Variants in PCDHA1 observed in about 807,000 individuals in gnomAD.
PCDHA1 encodes protocadherin alpha-1.
PCDHA1 carries 42 observed loss-of-function variants against 61.3 expected under a neutral mutation model. The ratio of observed to expected loss-of-function variants is 0.69; its 90% CI spans 0.54 to 0.89. The LOEUF (loss-of-function observed/expected upper bound fraction) is 0.89. Ranked by LOEUF, PCDHA1 falls within the 40% of genes least tolerant of loss-of-function variation. PCDHA1 has a pLI of 0.00. For missense variants in PCDHA1, 1,256 were observed against 1,235.3 expected (o/e 1.02, Z -0.25); for synonymous variants, 610 against 553.8 (o/e 1.10, Z -1.43).
chr5:140,907,111 C>T (rs1465808747), intron 1 of PCDHA1, among the ~76,000 whole-genome samples: 1 of 152,130 alleles, frequency 6.6e-6, no homozygotes, highest in African/African-American at 2.4e-5. Flanking sequence ...ACTTCCACCC[C>T]TTGATTCCTG....
In PCDHA1 at chr5:140,787,600, C is replaced by T; in HGVS notation, c.1310C>T (p.Ala437Val). 6.2e-7 allele frequency: 1 copy of T among 1,613,930 alleles called. No homozygotes were observed. Among genetic ancestry groups the T allele is most frequent in the East Asian group, 2.2e-5 (1 of 44,862 alleles). ...ARDGGSPSLWATARVSVEVAD... is the reference protein window; with the variant it reads ...ARDGGSPSLWVTARVSVEVAD... The stretch of plus-strand genomic sequence containing the variant: ...GACGGGGGCTCGCCTTCGCTGTGGG[C>T]CACGGCCAGGGTGTCCGTGGAGGTG... The change falls in exon 1 of 4, where the codon GCC becomes GTC. Residue 437 changes from alanine (A) to valine (V), a missense_variant. By Grantham distance (64) the Ala-to-Val change is moderately conservative. Coordinates refer to ENST00000504120, the MANE Select transcript of PCDHA1 (RefSeq NM_018900.4).
chr5:140,830,476 TG>T (rs2150187075), intron 1 of PCDHA1: 1 of 1,551,430 alleles, frequency 6.4e-7, no homozygotes, highest in South Asian at 1.2e-5. Context: ...ATGAAGATCA[TG>T]ATGCCAAAGT....
intron 3 of PCDHA1, among the ~76,000 whole-genome samples, chr5:140,984,830 T>C (rs2097123075): frequency 6.6e-6 from 1 of 152,220 alleles, no homozygotes; most frequent in South Asian, 2.1e-4. Context: ...TTACCCTTTC[T>C]GTAAATTGGG....
At chr5:140,949,042 G>A (rs2094338452) in intron 1 of PCDHA1, among the ~76,000 whole-genome samples, 2 of 151,644 alleles carry the variant, frequency 1.3e-5, no homozygotes, top group African/African-American at 2.4e-5. Flanking sequence ...TTAAAAGTAT[G>A]TTCTAATTTC....
rs782039603 is a variant in PCDHA1 at position 140,876,722 on chromosome 5, G to A, written c.2394+88038G>A. 2.5e-6 allele frequency: 4 copies of A among 1,614,134 alleles called. No individual in the cohort carries two copies. In the Admixed American group the frequency reaches 5.0e-5, roughly 20 times the overall value. On this transcript the variant is annotated intron_variant, in intron 1 of 3. Coordinates refer to ENST00000504120, the MANE Select transcript of PCDHA1 (RefSeq NM_018900.4). ...CTGGACAGCGCCCTGGACCGCGAGA[G>A]CGTGTCGGCCTATGAGCTGGTGGTG...
At chr5:140,856,114 C>A (rs1375690984) in intron 1 of PCDHA1, 3 of 1,597,988 alleles carry the variant, frequency 1.9e-6, no homozygotes, top group Non-Finnish European at 2.6e-6. Flanking sequence ...TCCTCGCAGC[C>A]TGGGAGGTGG....
In PCDHA1 at chr5:140,929,288, G is replaced by A. The variant is rs386352346; in HGVS notation, c.2395-49661G>A. 3.1e-6 allele frequency: 5 copies of A among 1,597,514 alleles called. No homozygotes were observed. Among genetic ancestry groups the A allele is most frequent in the Non-Finnish European group, 3.4e-6 (4 of 1,168,792 alleles). On this transcript the variant is annotated intron_variant, in intron 1 of 3. Transcript: ENST00000504120. ...TTGCCAATATCCTGTATTCAGATTC[G>A]GAATAGGAAAGGGGATCACGCTAAT... is the stretch of plus-strand genomic sequence containing the variant.
intron 1 of PCDHA1, among the ~76,000 whole-genome samples, chr5:140,890,832 T>G (rs1554184561): frequency 6.6e-6 from 1 of 152,220 alleles, no homozygotes; most frequent in African/African-American, 2.4e-5. Context: ...ACTTACATAT[T>G]TACCAGTTTT....
rs1270383213 is a variant in PCDHA1 at position 140,835,905 on chromosome 5, G to A, written c.2394+47221G>A. 4 of 1,612,188 alleles carry A rather than the reference G, an allele frequency of 2.5e-6. No homozygotes were observed. In the East Asian group the frequency reaches 8.9e-5, roughly 36 times the overall value. ...GGGCGAGCGCGCGCTGTCGAGCTAC[G>A]TGTCAGTGCACGCGGAGAGCGGCAA... On this transcript the variant is annotated intron_variant, in intron 1 of 3. Transcript: ENST00000504120.
chr5:140,854,880 T>C (rs1244023349), intron 1 of PCDHA1, among the ~76,000 whole-genome samples: 4 of 150,006 alleles, frequency 2.7e-5, no homozygotes, highest in African/African-American at 9.8e-5. Flanking sequence ...CTGTGTCTTT[T>C]GGGCATTTGA....
intron 1 of PCDHA1, chr5:140,877,152 C>A (rs1662783035): frequency 6.2e-7 from 1 of 1,613,688 alleles, no homozygotes; most frequent in Non-Finnish European, 8.5e-7. Context: ...ACGAGAACGA[C>A]AACGCGCCGG....
At chr5:140,997,910 A>T (rs2097790102) in intron 3 of PCDHA1, among the ~76,000 whole-genome samples, 2 of 152,234 alleles carry the variant, frequency 1.3e-5, no homozygotes. Flanking sequence ...AAGTAGAATT[A>T]CAGAATCATA....
Position 140,786,567 on chromosome 5 carries a change from G to T in PCDHA1, c.277G>T (p.Glu93Ter), listed in dbSNP as rs1554117432. 1.7e-5 allele frequency: 28 copies of T among 1,614,124 alleles called. No homozygotes were observed. Among genetic ancestry groups the T allele is most frequent in the Non-Finnish European group, 2.4e-5 (28 of 1,180,050 alleles). The change falls in exon 1 of 4, where the codon GAG (glutamate) becomes TAG (stop). Residue 93 changes from glutamate (E) to a stop codon, truncating the protein, a stop_gained. Coordinates refer to ENST00000504120, the MANE Select transcript of PCDHA1 (RefSeq NM_018900.4). LOFTEE classifies it high-confidence loss of function. ...GTTTGTGAATTCTCGGATCGATCGC[G>T]AGGAGCTGTGCCAGTGGAGCGCGGA... ...ILFVNSRIDR[E>*]ELCQWSAECS...
chr5:140,853,921 C>T (rs2042909522), intron 1 of PCDHA1: 2 of 921,152 alleles, frequency 2.2e-6, no homozygotes, highest in African/African-American at 1.8e-5. Flanking sequence ...GCAATCCCAA[C>T]ATTTTGGGAG....
intron 1 of PCDHA1, among the ~76,000 whole-genome samples, chr5:140,930,820 A>T (rs2153606213): frequency 6.6e-6 from 1 of 152,346 alleles, no homozygotes; most frequent in East Asian, 1.9e-4. Flanking sequence ...TGCTTAGTAA[A>T]TGCTGACTGA....
chr5:140,994,233 T>A (rs2097606681), intron 3 of PCDHA1, among the ~76,000 whole-genome samples: 1 of 152,138 alleles, frequency 6.6e-6, no homozygotes, highest in Admixed American at 6.5e-5. Context: ...TATGTTATAA[T>A]CAATTCAAAC....
At chr5:140,885,809 T>G (rs1208963596) in intron 1 of PCDHA1, among the ~76,000 whole-genome samples, 1 of 152,320 alleles carries the variant, frequency 6.6e-6, no homozygotes, top group African/African-American at 2.4e-5. Flanking sequence ...ATTTTGTTGA[T>G]TTGTATTTGA....
At chr5:140,857,189 A>C (rs782018937) in intron 1 of PCDHA1, 1 of 1,598,598 alleles carries the variant, frequency 6.3e-7, no homozygotes, top group Non-Finnish European at 8.6e-7. Context: ...TTCAGGAGCC[A>C]ACGGACAGGT....
intron 1 of PCDHA1, chr5:140,822,027 T>C: frequency 6.2e-7 from 1 of 1,614,174 alleles, no homozygotes. Flanking sequence ...GCATTTTGTT[T>C]GTGAATTCTC....
Sources: allele counts gnomAD v4.1 joint callset (sites outside exome capture counted in the v4.1 genomes callset), GRCh38; gene constraint gnomAD v4.1.1; transcripts MANE v1.5; gene names NCBI Gene and HGNC (gene_info 2026-07-23, HGNC 2026-07-21).